The following GRIA4 variants were observed in gnomAD, a reference collection of about 807,000 sequenced individuals.
The protein encoded by GRIA4 is glutamate receptor 4.
In GRIA4, 34 loss-of-function variants were observed where a neutral mutation model predicts 104.0. The ratio of observed to expected loss-of-function variants is 0.33; its 90% CI spans 0.25 to 0.44. The LOEUF (loss-of-function observed/expected upper bound fraction) is 0.44, where lower values mean the gene tolerates loss of function less well. Among genes scored for constraint, GRIA4 ranks in the 20% least tolerant of loss-of-function variants. The probability of loss-of-function intolerance (pLI) is 1.00; values close to 1 mark genes in which losing one functional copy is unlikely to be tolerated. For missense variants in GRIA4, 750 were observed against 1,096.5 expected, an observed-to-expected ratio of 0.68 and a Z score of 4.46; for synonymous variants, 386 against 381.9, an observed-to-expected ratio of 1.01 and a Z score of -0.13.
chr11:105,673,885 C>T (rs1435837574), intron 3 of GRIA4, among the ~76,000 whole-genome samples: 1 of 151,882 alleles, frequency 6.6e-6, no homozygotes, highest in Non-Finnish European at 1.5e-5. Context: ...TTAGCCATAT[C>T]AATTTATAAG....
chr11:105,925,397 C>T (rs1947678138), intron 12 of GRIA4, among the ~76,000 whole-genome samples: 1 of 152,094 alleles, frequency 6.6e-6, no homozygotes, highest in Admixed American at 6.6e-5. Flanking sequence ...ATCATTTAAC[C>T]ATTATATTCA....
chr11:105,927,957 A>G (rs1947762909), intron 13 of GRIA4, among the ~76,000 whole-genome samples: 1 of 151,934 alleles, frequency 6.6e-6, no homozygotes, highest in Admixed American at 6.6e-5. Context: ...CTTTCATGGG[A>G]AAGTAGTAAT....
rs189321249 is a variant in GRIA4, at chr11:105,806,412, A to T, written c.487+53192A>T. ...AGAAAAGTTGAAGAATGGAGGTACC[A>T]GTTTCCTTGAAAAGAAGACCTCTGG... On this transcript the variant is annotated intron_variant, in intron 4 of 16. Coordinates refer to ENST00000282499, the MANE Select transcript of GRIA4 (RefSeq NM_000829.4). 2.1e-3 allele frequency among the ~76,000 whole-genome samples: 317 copies of T among 152,024 alleles called. 2 individuals carry two copies. Among genetic ancestry groups the T allele is most frequent in the African/African-American group, 7.1e-3 (293 of 41,550 alleles).
chr11:105,641,974 C>A (rs373009288), intron 3 of GRIA4, among the ~76,000 whole-genome samples: 44 of 152,206 alleles, frequency 2.9e-4, no homozygotes, highest in Middle Eastern at 3.4e-3. Context: ...TCTTCTGAGG[C>A]CTTTCTCCTT....
intron 3 of GRIA4, among the ~76,000 whole-genome samples, chr11:105,716,293 G>T (rs1401130873): frequency 6.6e-6 from 1 of 151,994 alleles, no homozygotes; most frequent in Non-Finnish European, 1.5e-5. Flanking sequence ...ACAGAAGAAA[G>T]AAATAAAACA....
At chr11:105,684,546 C>CATATATATATATATATATACACAT (rs72399419) in intron 3 of GRIA4, among the ~76,000 whole-genome samples, 3 of 144,996 alleles carry the variant, frequency 2.1e-5, no homozygotes, top group Non-Finnish European at 3.0e-5. Context: ...TATATATATA[C>CATATATATATATATATATACACAT]ATATATATAT....
intron 14 of GRIA4, among the ~76,000 whole-genome samples, chr11:105,958,129 C>G (rs1948638615): frequency 6.6e-6 from 1 of 152,160 alleles, no homozygotes; most frequent in Non-Finnish European, 1.5e-5. Context: ...ATTGCCCTGG[C>G]CAGAACTTCC....
chr11:105,749,898 A>G (rs1383239183), intron 3 of GRIA4, among the ~76,000 whole-genome samples: 1 of 152,180 alleles, frequency 6.6e-6, no homozygotes, highest in East Asian at 1.9e-4. Flanking sequence ...GAGCAATCTA[A>G]TATCATTGCA....
At chr11:105,884,970 G>T (rs1946201204) in intron 5 of GRIA4, among the ~76,000 whole-genome samples, 2 of 149,404 alleles carry the variant, frequency 1.3e-5, no homozygotes, top group South Asian at 4.3e-4. Context: ...GAAATAAGAG[G>T]CAGGGTGCGG....
chr11:105,787,260 T>C (rs1400403565), intron 4 of GRIA4, among the ~76,000 whole-genome samples: 1 of 152,132 alleles, frequency 6.6e-6, no homozygotes, highest in East Asian at 1.9e-4. Context: ...CTTTATAATG[T>C]AAATTTGAGC....
At chr11:105,840,115 C>T (rs2135956405) in intron 4 of GRIA4, among the ~76,000 whole-genome samples, 1 of 152,256 alleles carries the variant, frequency 6.6e-6, no homozygotes, top group African/African-American at 2.4e-5. Flanking sequence ...AACAATTTGA[C>T]TAATATTTGA....
intron 10 of GRIA4, 73 bp downstream of exon 10, chr11:105,910,618 C>T: frequency 1.3e-6 from 1 of 777,838 alleles, no homozygotes; most frequent in East Asian, 2.6e-5. Flanking sequence ...CGACGGTGAA[C>T]AGGGAGGGCA....
chr11:105,912,843 C>A (rs1019609838), intron 10 of GRIA4: 1 of 983,470 alleles, frequency 1.0e-6, no homozygotes, highest in Admixed American at 6.2e-5. Flanking sequence ...TGTAGATAAA[C>A]AAGATATTGG....
At chr11:105,669,233 T>C (rs189125416) in intron 3 of GRIA4, among the ~76,000 whole-genome samples, 30 of 152,096 alleles carry the variant, frequency 2.0e-4, no homozygotes, top group African/African-American at 4.1e-4. Flanking sequence ...ACAATTACAA[T>C]AACCTTCTGT....
In GRIA4 at chr11:105,852,556, G is replaced by T. The variant is rs552772256; in HGVS notation, c.488-9468G>T. The stretch of plus-strand genomic sequence containing the variant: ...GAGGCTACCACTGATCCCATCATTT[G>T]TCACCTAGCATGCTGTTCAATAAAT... On this transcript the variant is annotated intron_variant, in intron 4 of 16. Coordinates refer to ENST00000282499, the MANE Select transcript of GRIA4 (RefSeq NM_000829.4). Among the ~76,000 whole-genome samples the T allele has an allele frequency of 1.6e-3, 237 of 152,226 alleles. 2 individuals carry two copies. The highest frequency in any genetic ancestry group is 5.4e-3 in the African/African-American group (224 of 41,558).
chr11:105,950,978 T>C (rs1346260976), intron 14 of GRIA4, among the ~76,000 whole-genome samples: 3 of 152,148 alleles, frequency 2.0e-5, no homozygotes, highest in Non-Finnish European at 4.4e-5. Flanking sequence ...CAGCTGGACT[T>C]TGATGGACAA....
intron 4 of GRIA4, among the ~76,000 whole-genome samples, chr11:105,790,843 T>G (rs1942184411): frequency 6.6e-6 from 1 of 152,228 alleles, no homozygotes; most frequent in Non-Finnish European, 1.5e-5. Context: ...GATCATTATA[T>G]GTGGAAGCAT....
rs74773376 is a variant in GRIA4 at position 105,697,906 on chromosome 11, T to C, written c.248-55075T>C. Among the ~76,000 whole-genome samples the C allele has an allele frequency of 1.6e-4, 24 of 152,300 alleles. No homozygotes were observed. In the East Asian group the frequency reaches 4.6e-3, roughly 29 times the overall value. Reference sequence around the variant, plus strand: ...GAGAGAGCCTATAGCTTTCATCAGCTTTTCAAAGGCATGCTTTTTTCCAAC... The same window carrying C: ...GAGAGAGCCTATAGCTTTCATCAGCCTTTCAAAGGCATGCTTTTTTCCAAC... On this transcript the variant is annotated intron_variant, in intron 3 of 16. Coordinates refer to ENST00000282499, the MANE Select transcript of GRIA4 (RefSeq NM_000829.4).
At chr11:105,648,707 C>A (rs1175752310) in intron 3 of GRIA4, among the ~76,000 whole-genome samples, 1 of 152,114 alleles carries the variant, frequency 6.6e-6, no homozygotes, top group Non-Finnish European at 1.5e-5. Context: ...TAAAAACCAA[C>A]AAATGAGTGC....
Sources: gnomAD v4.1 joint callset for allele counts (sites outside exome capture counted in the v4.1 genomes callset) on GRCh38, gnomAD v4.1.1 for gene constraint, MANE v1.5 for transcripts, NCBI Gene and HGNC (gene_info 2026-07-23, HGNC 2026-07-21) for gene names.